EFNB2: variants seen among roughly 807,000 people sequenced by gnomAD.
EFNB2 encodes ephrin B2.
EFNB2 carries 5 observed loss-of-function variants against 32.1 expected under a neutral mutation model. The ratio of observed to expected loss-of-function variants is 0.16; its 90% confidence interval spans 0.08 to 0.33. The LOEUF (loss-of-function observed/expected upper bound fraction) is 0.33, where lower values mean the gene tolerates loss of function less well. EFNB2 is among the 10% of genes least tolerant of loss of function. The pLI is 1.00. For synonymous variants in EFNB2, 168 were observed against 166.5 expected, an observed-to-expected ratio of 1.01 and a Z score of -0.07; for missense variants, 263 against 422.6, an observed-to-expected ratio of 0.62 and a Z score of 3.31.
rs548729910 is a variant in EFNB2, at chr13:106,535,232, G to C, written c.-268C>G. On this transcript the variant is annotated 5_prime_UTR_variant, in exon 1 of 5. Transcript: ENST00000646441. ...GGGGCGCCGCGCCGGACGCAGCTCG[G>C]ACGGCCGACTCCCGTGCGGCTCCAG... is the stretch of plus-strand genomic sequence containing the variant. 6.6e-6 allele frequency: 1 copy of C among 151,274 alleles called. No individual in the cohort carries two copies. Among genetic ancestry groups the C allele is most frequent in the Non-Finnish European group, 1.4e-5 (1 of 69,428 alleles). 9.4% of individuals were successfully genotyped at this position (151,274 alleles called of 1,614,324 possible).
At chr13:106,517,627 C>G (rs1879357296) in intron 1 of EFNB2, 1 of 152,326 alleles carries the variant, frequency 6.6e-6, no homozygotes, top group East Asian at 1.9e-4. Context: ...GGAGGGCCTG[C>G]CTGGGAACCA....
chr13:106,499,633 C>T (rs1012669922), intron 2 of EFNB2, among the ~76,000 whole-genome samples: 1 of 152,136 alleles, frequency 6.6e-6, no homozygotes, highest in African/African-American at 2.4e-5. Context: ...AATGAAATCA[C>T]ATTTAATCAT....
At chr13:106,511,729 G>A (rs1445880861) in intron 2 of EFNB2, among the ~76,000 whole-genome samples, 1 of 152,118 alleles carries the variant, frequency 6.6e-6, no homozygotes, top group African/African-American at 2.4e-5. Flanking sequence ...TTGCTTGAAT[G>A]ACGCGAACAG....
At chr13:106,510,773 G>A (rs1172906385) in intron 2 of EFNB2, among the ~76,000 whole-genome samples, 1 of 151,060 alleles carries the variant, frequency 6.6e-6, no homozygotes, top group Non-Finnish European at 1.5e-5. Flanking sequence ...CAGTACTTTG[G>A]GAGGCCAAGG....
At chr13:106,533,129 C>G (rs1255316406) in intron 1 of EFNB2, among the ~76,000 whole-genome samples, 1 of 149,998 alleles carries the variant, frequency 6.7e-6, no homozygotes, top group South Asian at 2.1e-4. Context: ...TCAAAGAGAA[C>G]CGGTCAGTGA....
intron 2 of EFNB2, among the ~76,000 whole-genome samples, chr13:106,504,539 A>G (rs185829852): frequency 6.6e-6 from 1 of 152,228 alleles, no homozygotes; most frequent in East Asian, 1.9e-4. Flanking sequence ...TATTCCGTCC[A>G]GGGGACATGT....
chr13:106,510,733 G>C lies in EFNB2; in HGVS notation c.406+1796C>G, dbSNP rs994945235. ...TCTTACTTTAAAAGTCTTTACTAAGGCCAGGCGCGGTGGCTCACGCCTGGA... is the reference window on the plus strand; with the variant it reads ...TCTTACTTTAAAAGTCTTTACTAAGCCCAGGCGCGGTGGCTCACGCCTGGA... On this transcript the variant is annotated intron_variant, in intron 2 of 4. Coordinates refer to ENST00000646441, the MANE Select transcript of EFNB2 (RefSeq NM_004093.4). Among the ~76,000 whole-genome samples, 45 of 151,196 alleles carry C rather than the reference G, an allele frequency of 3.0e-4. 1 individual carries two copies. Among genetic ancestry groups the C allele is most frequent in the South Asian group, 2.1e-4 (1 of 4,830 alleles).
chr13:106,531,852 T>C (rs1266159861), intron 1 of EFNB2, among the ~76,000 whole-genome samples: 1 of 152,148 alleles, frequency 6.6e-6, no homozygotes, highest in Non-Finnish European at 1.5e-5. Flanking sequence ...CATAAGGCAT[T>C]AGTACTCGAA....
intron 1 of EFNB2, 102 bp downstream of exon 1, chr13:106,534,741 C>T: frequency 2.9e-6 from 4 of 1,394,014 alleles, no homozygotes; most frequent in Non-Finnish European, 3.8e-6. Flanking sequence ...ACCGAGGTTC[C>T]AGAAACAGGC....
intron 3 of EFNB2, among the ~76,000 whole-genome samples, chr13:106,495,280 C>G (rs1566454424): frequency 6.6e-6 from 1 of 152,188 alleles, no homozygotes; most frequent in East Asian, 1.9e-4. Context: ...AGTTGATTGA[C>G]TACTATACCA....
chr13:106,512,787 G>T lies in EFNB2; in HGVS notation c.148C>A (p.Leu50Ile). ...SKFLPGQGLV[L>I]YPQIGDKLDI... ...AATTTGTCTCCTATCTGTGGGTATA[G>T]TACCAGTCCTTGTCCAGGTAGAAAT... The change falls in exon 2 of 5, where the codon CTA becomes ATA. Residue 50 changes from leucine (L) to isoleucine (I), a missense_variant. By Grantham distance (5) the Leu-to-Ile change is conservative. Coordinates refer to ENST00000646441, the MANE Select transcript of EFNB2 (RefSeq NM_004093.4). 6.2e-7 allele frequency: 1 copy of T among 1,601,606 alleles called. No homozygotes were observed. Among genetic ancestry groups the T allele is most frequent in the Non-Finnish European group, 8.5e-7 (1 of 1,172,704 alleles).
At position 106,493,880 on chromosome 13, in the gene EFNB2, CT is replaced by C. The variant is rs1434101230; in HGVS notation, c.614-453del. ...AGGGCCTGCCTTCTAAAGAAGAGCC[CT>C]GCCTCCTGGCAGAACAGAACAGCTC... On this transcript the variant is annotated intron_variant, in intron 4 of 4. Transcript: ENST00000646441. The surrounding 1 kb of genome is among the most constrained non-coding windows in gnomAD (Gnocchi z 6.1). Among the ~76,000 whole-genome samples the C allele has an allele frequency of 6.6e-6, 1 of 152,216 alleles. No homozygotes were observed. The highest frequency in any genetic ancestry group is 1.5e-5 in the Non-Finnish European group (1 of 68,042).
intron 2 of EFNB2, among the ~76,000 whole-genome samples, chr13:106,499,560 T>C (rs138426321): frequency 6.6e-6 from 1 of 152,334 alleles, no homozygotes; most frequent in Non-Finnish European, 1.5e-5. Flanking sequence ...TTATACTTAG[T>C]TTTTCTTTGT....
chr13:106,530,952 C>T (rs1275406313), intron 1 of EFNB2, among the ~76,000 whole-genome samples: 1 of 152,224 alleles, frequency 6.6e-6, no homozygotes, highest in Non-Finnish European at 1.5e-5. Context: ...CTTCAGCTGA[C>T]TCTGTCTGGA....
At position 106,535,046 on chromosome 13, in the gene EFNB2, G is replaced by T; in HGVS notation, c.-82C>A. ...AGGCTGGGACCCCCAATCCTCCGGG[G>T]CAGACTGGCGGGGAAGACGGCGTGC... On this transcript the variant is annotated 5_prime_UTR_variant, in exon 1 of 5. Transcript: ENST00000646441. 6.4e-7 allele frequency: 1 copy of T among 1,555,048 alleles called. No homozygotes were observed. Among genetic ancestry groups the T allele is most frequent in the Non-Finnish European group, 8.7e-7 (1 of 1,152,672 alleles).
intron 1 of EFNB2, among the ~76,000 whole-genome samples, chr13:106,526,077 C>A (rs77079910): frequency 0.031 from 4,694 of 152,200 alleles, 200 homozygotes; most frequent in African/African-American, 0.098. Flanking sequence ...CAAGCCCCAC[C>A]CCAGACCTCA....
chr13:106,520,033 G>GA (rs1879448363), intron 1 of EFNB2: 1 of 151,692 alleles, frequency 6.6e-6, no homozygotes, highest in South Asian at 2.1e-4. Flanking sequence ...TCAAATAAGT[G>GA]AAAAAAAGGG....
In EFNB2 at chr13:106,493,039, C is replaced by G. The variant is rs771389582; in HGVS notation, c.*1G>C. On this transcript the variant is annotated 3_prime_UTR_variant, in exon 5 of 5. Transcript: ENST00000646441. This position sits in a 1 kb window ranked among gnomAD's most constrained non-coding sequence, Gnocchi z 6.1. ...AAGCACAGGTACCACCAGGGTCCCT[C>G]TCAGACCTTGTAGTAAATGTTCGCC... 6.2e-7 allele frequency: 1 copy of G among 1,606,548 alleles called. No individual in the cohort carries two copies. Among genetic ancestry groups the G allele is most frequent in the Non-Finnish European group, 8.5e-7 (1 of 1,175,764 alleles).
intron 1 of EFNB2, among the ~76,000 whole-genome samples, chr13:106,530,327 T>C (rs1879830727): frequency 6.6e-6 from 1 of 152,148 alleles, no homozygotes; most frequent in Non-Finnish European, 1.5e-5. Flanking sequence ...AAGCTTATAG[T>C]TCTATGGGTT....
Sources: allele counts gnomAD v4.1 joint callset (sites outside exome capture counted in the v4.1 genomes callset), GRCh38; gene constraint gnomAD v4.1.1; non-coding constraint Gnocchi (gnomAD v3.1); transcripts MANE v1.5; gene names NCBI Gene and HGNC (gene_info 2026-07-23, HGNC 2026-07-21).